Variants in BANF2 observed in about 807,000 individuals in gnomAD.
BANF2 encodes barrier-to-autointegration factor-like protein.
Under a neutral mutation model 8.0 loss-of-function variants are expected in BANF2, and 4 were observed. The ratio of observed to expected loss-of-function variants is 0.50; its 90% CI spans 0.25 to 1.14. BANF2 has a LOEUF of 1.14. BANF2 is among the 50% of genes most tolerant of loss of function. The pLI, the probability that BANF2 is intolerant of heterozygous loss-of-function variation, is 0.16. For synonymous variants in BANF2, 50 were observed against 40.6 expected (o/e 1.23, Z -0.88); for missense variants, 96 against 107.5 (o/e 0.89, Z 0.47).
At chr20:17,700,197 T>C in intron 1 of BANF2, 142 bp downstream of exon 1, 2 of 180,684 alleles carry the variant, frequency 1.1e-5, no homozygotes, top group Non-Finnish European at 2.1e-5. Context: ...AGCCCCAAAC[T>C]CTTCCTAGGA....
Position 17,701,916 on chromosome 20 carries a change from C to T in BANF2, c.-167+1861C>T, listed in dbSNP as rs149316828. Among the ~76,000 whole-genome samples, 546 of 152,286 alleles carry T rather than the reference C, an allele frequency of 3.6e-3. 9 individuals are homozygous for T. The highest frequency in any genetic ancestry group is 2.3e-3 in the Non-Finnish European group (158 of 68,010). On this transcript the variant is annotated intron_variant, in intron 1 of 3. Transcript: ENST00000246090. ...GCCCATCTCTCTCATTCACCTGGTT[C>T]TTTCCTATCAAGATTATGATTCAGC...
intron 1 of BANF2, among the ~76,000 whole-genome samples, chr20:17,713,087 C>A (rs118007768): frequency 6.6e-6 from 1 of 151,220 alleles, no homozygotes; most frequent in Non-Finnish European, 1.5e-5. Context: ...CCGATCTCTA[C>A]GAAAAAATTA....
chr20:17,733,433 A>G (rs2037930399), intron 3 of BANF2, among the ~76,000 whole-genome samples: 1 of 152,196 alleles, frequency 6.6e-6, no homozygotes, highest in Non-Finnish European at 1.5e-5. Flanking sequence ...AAGTATTATC[A>G]TGAACATTTC....
chr20:17,701,667 G>A (rs912495971), intron 1 of BANF2, among the ~76,000 whole-genome samples: 2 of 152,184 alleles, frequency 1.3e-5, no homozygotes, highest in African/African-American at 2.4e-5. Context: ...CACCCTCTGC[G>A]ATTGAACTCA....
chr20:17,726,921 A>G lies in BANF2; in HGVS notation c.126+1770A>G, dbSNP rs572376006. Among the ~76,000 whole-genome samples, 4 of 152,376 alleles carry G rather than the reference A, an allele frequency of 2.6e-5. No individual in the cohort carries two copies. The East Asian group carries it at 5.8e-4, about 22-fold the overall frequency. On this transcript the variant is annotated intron_variant, in intron 3 of 3. Transcript: ENST00000246090. ...CATGCAGTGATGCAGCCGCTACCAT[A>G]GTCAAGACACAGAGCAATCCCATTA... is the stretch of plus-strand genomic sequence containing the variant.
At chr20:17,702,907 G>A (rs370840037) in intron 1 of BANF2, among the ~76,000 whole-genome samples, 16 of 152,134 alleles carry the variant, frequency 1.1e-4, no homozygotes, top group African/African-American at 2.4e-4. Flanking sequence ...GAGGAGCTGC[G>A]CTTGTTGTTT....
At chr20:17,725,976 T>C (rs538132083) in intron 3 of BANF2, among the ~76,000 whole-genome samples, 1 of 152,264 alleles carries the variant, frequency 6.6e-6, no homozygotes, top group East Asian at 1.9e-4. Context: ...AGAGCCATGG[T>C]TTTCTGATTA....
chr20:17,725,538 C>T (rs1390595677), intron 3 of BANF2, among the ~76,000 whole-genome samples: 1 of 152,234 alleles, frequency 6.6e-6, no homozygotes, highest in Non-Finnish European at 1.5e-5. Context: ...CCTGCCAGGG[C>T]ACCAGCCTGG....
At chr20:17,710,211 T>C (rs1390718569) in intron 1 of BANF2, among the ~76,000 whole-genome samples, 1 of 152,198 alleles carries the variant, frequency 6.6e-6, no homozygotes, top group Non-Finnish European at 1.5e-5. Context: ...AGAGCCACCA[T>C]GGAAACCATG....
At chr20:17,704,568 G>C (rs138061885) in intron 1 of BANF2, among the ~76,000 whole-genome samples, 1 of 152,212 alleles carries the variant, frequency 6.6e-6, no homozygotes, top group African/African-American at 2.4e-5. Flanking sequence ...AGGCATCTGG[G>C]CTTGTGCCCA....
intron 3 of BANF2, chr20:17,731,333 G>A (rs994610716): frequency 6.6e-6 from 1 of 152,190 alleles, no homozygotes; most frequent in Non-Finnish European, 1.5e-5. Flanking sequence ...TTAGGCGACT[G>A]GCGAGAGAGA....
In BANF2 at chr20:17,725,014, C is replaced by T. The variant is rs1402583343; in HGVS notation, c.-3-9C>T. 3.7e-6 allele frequency: 6 copies of T among 1,604,288 alleles called. No individual in the cohort carries two copies. The highest frequency in any genetic ancestry group is 5.1e-6 in the Non-Finnish European group (6 of 1,171,842). Reference sequence around the variant, plus strand: ...TGCTAATCCTCCTCTCTCCCCACTGCTGTCGCAGGAGATGGACAACATGTC... The same window carrying T: ...TGCTAATCCTCCTCTCTCCCCACTGTTGTCGCAGGAGATGGACAACATGTC... On this transcript the variant is annotated splice_polypyrimidine_tract_variant and intron_variant, in intron 2 of 3. Transcript: ENST00000246090.
chr20:17,731,923 A>G (rs1166040331), intron 3 of BANF2, among the ~76,000 whole-genome samples: 2 of 149,456 alleles, frequency 1.3e-5, no homozygotes, highest in Non-Finnish European at 1.5e-5. Context: ...AAAATTATCC[A>G]AGCGTGGTGG....
chr20:17,722,872 T>A lies in BANF2; in HGVS notation c.-10T>A. The A allele has an allele frequency of 2.0e-6, 2 of 985,266 alleles. No individual in the cohort carries two copies. Among genetic ancestry groups the A allele is most frequent in the Non-Finnish European group, 2.4e-6 (2 of 829,766 alleles). The allele number at this position is 985,266 out of a possible 1,614,324, so 61.0% of individuals were successfully genotyped here. Reference sequence around the variant, plus strand: ...GGCGTACACGAGGAGCTCGACTCTGTAGAAAGGTCTGGAGGAGGATGGGGA... The same window carrying A: ...GGCGTACACGAGGAGCTCGACTCTGAAGAAAGGTCTGGAGGAGGATGGGGA... On this transcript the variant is annotated 5_prime_UTR_variant, in exon 2 of 4. The change abolishes the stop of an existing upstream ORF in the 5' untranslated region. Coordinates refer to ENST00000246090, the MANE Select transcript of BANF2 (RefSeq NM_178477.5).
At chr20:17,721,423 G>T (rs1044749988) in intron 1 of BANF2, among the ~76,000 whole-genome samples, 2 of 146,966 alleles carry the variant, frequency 1.4e-5, no homozygotes, top group Non-Finnish European at 3.0e-5. Context: ...ACGGAGTCTC[G>T]CTCTGTTGCC....
chr20:17,709,654 A>G (rs1390707078), intron 1 of BANF2, among the ~76,000 whole-genome samples: 1 of 152,198 alleles, frequency 6.6e-6, no homozygotes, highest in Non-Finnish European at 1.5e-5. Flanking sequence ...CAGAAGCTCA[A>G]TGGAAGCCTT....
chr20:17,734,802 G>A (rs781154039), intron 3 of BANF2, among the ~76,000 whole-genome samples: 3 of 152,150 alleles, frequency 2.0e-5, no homozygotes, highest in Non-Finnish European at 2.9e-5. Flanking sequence ...TAGAAACCCC[G>A]TGCTATGGGC....
At chr20:17,734,526 C>CA in intron 3 of BANF2, among the ~76,000 whole-genome samples, 1 of 152,326 alleles carries the variant, frequency 6.6e-6, no homozygotes, top group African/African-American at 2.4e-5. Context: ...TGAGATCACA[C>CA]AGGTGGTTTG....
intron 1 of BANF2, among the ~76,000 whole-genome samples, chr20:17,705,953 G>A (rs142510349): frequency 6.6e-6 from 1 of 152,344 alleles, no homozygotes; most frequent in East Asian, 1.9e-4. Flanking sequence ...GCTCCTGTGA[G>A]GGCCCATGGG....
Sources: allele counts gnomAD v4.1 joint callset (sites outside exome capture counted in the v4.1 genomes callset), GRCh38; gene constraint gnomAD v4.1.1; transcripts MANE v1.5; gene names NCBI Gene and HGNC (gene_info 2026-07-23, HGNC 2026-07-21).